ABCG2: variants seen among roughly 807,000 people sequenced by gnomAD.
ABCG2 encodes ATP binding cassette subfamily G member 2 (JR blood group).
A neutral mutation model predicts 73.5 loss-of-function variants in ABCG2; 80 were observed. The observed-to-expected ratio is 1.09, with a 90% CI of 0.91 to 1.31. The LOEUF (loss-of-function observed/expected upper bound fraction) is 1.31, where lower values mean the gene tolerates loss of function less well. Ranked by LOEUF, ABCG2 falls within the 50% of genes most tolerant of loss-of-function variation. The pLI is 0.00. For synonymous variants in ABCG2, 269 were observed against 282.4 expected (o/e 0.95, Z 0.48); for missense variants, 796 against 786.2 (o/e 1.01, Z -0.15).
At chr4:88,146,764 G>C (rs1726033308) in intron 1 of ABCG2, among the ~76,000 whole-genome samples, 1 of 152,072 alleles carries the variant, frequency 6.6e-6, no homozygotes, top group African/African-American at 2.4e-5. Flanking sequence ...ACCTACTGGG[G>C]AGGCTGAGGT....
intron 1 of ABCG2, among the ~76,000 whole-genome samples, chr4:88,182,764 G>A (rs2110101215): frequency 6.6e-6 from 1 of 152,090 alleles, no homozygotes; most frequent in East Asian, 1.9e-4. Context: ...GTACTAACAG[G>A]GAAGTTTATA....
At chr4:88,224,352 C>G (rs2110133070) in intron 1 of ABCG2, among the ~76,000 whole-genome samples, 1 of 152,238 alleles carries the variant, frequency 6.6e-6, no homozygotes, top group African/African-American at 2.4e-5. Flanking sequence ...GTGGGAGGAT[C>G]ACCTGAGCTG....
intron 5 of ABCG2, among the ~76,000 whole-genome samples, chr4:88,123,025 C>T (rs1434321105): frequency 6.6e-6 from 1 of 152,134 alleles, no homozygotes; most frequent in Non-Finnish European, 1.5e-5. Flanking sequence ...CTGGTGATAC[C>T]CAGGCAAACA....
At chr4:88,189,120 T>C (rs1223927198) in intron 1 of ABCG2, among the ~76,000 whole-genome samples, 1 of 152,224 alleles carries the variant, frequency 6.6e-6, no homozygotes, top group African/African-American at 2.4e-5. Context: ...GTTTTGAAGT[T>C]TGCAGTACAC....
chr4:88,203,961 A>G (rs1041071569), intron 1 of ABCG2, among the ~76,000 whole-genome samples: 7 of 152,166 alleles, frequency 4.6e-5, no homozygotes, highest in African/African-American at 1.7e-4. Context: ...GACCAAAGGT[A>G]TGCCAGCTCC....
intron 1 of ABCG2, among the ~76,000 whole-genome samples, chr4:88,166,943 G>A (rs985346155): frequency 3.3e-5 from 5 of 152,124 alleles, no homozygotes; most frequent in Non-Finnish European, 7.3e-5. Context: ...AGGTCCCACG[G>A]TTTGAACACG....
chr4:88,099,746 C>T (rs949738610), intron 11 of ABCG2, among the ~76,000 whole-genome samples: 8 of 152,302 alleles, frequency 5.3e-5, no homozygotes, highest in African/African-American at 1.9e-4. Flanking sequence ...ACACATCCTC[C>T]CTCTCTTCAA....
chr4:88,135,530 C>T (rs1413675446), intron 2 of ABCG2, among the ~76,000 whole-genome samples: 1 of 133,246 alleles, frequency 7.5e-6, no homozygotes, highest in Non-Finnish European at 1.6e-5. Context: ...TCCCTACACA[C>T]ACAAAATCTT....
At chr4:88,144,582 A>G (rs1286695825) in intron 1 of ABCG2, among the ~76,000 whole-genome samples, 1 of 146,556 alleles carries the variant, frequency 6.8e-6, no homozygotes, top group Non-Finnish European at 1.5e-5. Context: ...CAGTCTCCCT[A>G]GTAGCTGGGA....
intron 1 of ABCG2, among the ~76,000 whole-genome samples, chr4:88,168,165 A>G (rs1230697052): frequency 6.6e-6 from 1 of 151,962 alleles, no homozygotes; most frequent in African/African-American, 2.4e-5. Flanking sequence ...CAGACAAGAG[A>G]CCAATTAAGA....
chr4:88,148,911 T>A (rs927832447), intron 1 of ABCG2, among the ~76,000 whole-genome samples: 4 of 152,220 alleles, frequency 2.6e-5, no homozygotes, highest in Non-Finnish European at 1.5e-5. Flanking sequence ...ACTAATCAGT[T>A]TTCTGTCCCC....
At chr4:88,121,819 A>G in intron 5 of ABCG2, 27 bp from the exon 6 acceptor site, 1 of 1,606,616 alleles carries the variant, frequency 6.2e-7, no homozygotes, top group South Asian at 1.1e-5. Flanking sequence ...ATAATTGTCA[A>G]TGATAACAAC....
chr4:88,204,919 G>C (rs116942732), intron 1 of ABCG2, among the ~76,000 whole-genome samples: 1 of 152,178 alleles, frequency 6.6e-6, no homozygotes, highest in African/African-American at 2.4e-5. Flanking sequence ...TGAAACTAAA[G>C]TCCTATGCTG....
chr4:88,216,756 G>A (rs1393066582), intron 1 of ABCG2, among the ~76,000 whole-genome samples: 1 of 152,162 alleles, frequency 6.6e-6, no homozygotes, highest in Non-Finnish European at 1.5e-5. Context: ...GTGTCCAAGC[G>A]CAGTGGTTCA....
chr4:88,131,094 T>A lies in ABCG2; in HGVS notation c.498A>T (p.Gln166His), dbSNP rs746507623. The A allele has an allele frequency of 6.2e-7, 1 of 1,614,088 alleles. No homozygotes were observed. The highest frequency in any genetic ancestry group is 1.7e-5 in the Admixed American group (1 of 60,020). Residue 166 changes from glutamine to histidine, a missense_variant, in exon 5 of 16, where the codon CAA becomes CAT. Gln to His is a conservative substitution (Grantham distance 24). Transcript: ENST00000237612. ...EKNERINRVI[Q>H]ELGLDKVADS... Reference sequence around the variant, plus strand: ...CTGCCACTTTATCCAGACCTAACTCTTGAATGACCCTGTTAATCCGTTCGT... The same window carrying A: ...CTGCCACTTTATCCAGACCTAACTCATGAATGACCCTGTTAATCCGTTCGT...
At chr4:88,166,722 A>G (rs2725209) in intron 1 of ABCG2, among the ~76,000 whole-genome samples, 149,970 of 152,278 alleles carry the variant, frequency 0.98, 73,888 homozygotes, top group Middle Eastern at 1. Context: ...TCTAGGGTAC[A>G]GTTTTGTTGG....
chr4:88,120,247 T>C (rs117195876), intron 6 of ABCG2, among the ~76,000 whole-genome samples: 3,373 of 152,284 alleles, frequency 0.022, 178 homozygotes, highest in East Asian at 0.21. Flanking sequence ...GGAGCCCTCA[T>C]GGAGAACCTC....
intron 1 of ABCG2, among the ~76,000 whole-genome samples, chr4:88,181,491 G>A (rs189443500): frequency 6.6e-6 from 1 of 151,566 alleles, no homozygotes; most frequent in African/African-American, 2.4e-5. Context: ...AGCACTTTGG[G>A]AGGCTGAGGC....
intron 1 of ABCG2, among the ~76,000 whole-genome samples, chr4:88,204,448 G>C (rs976890227): frequency 4.0e-5 from 6 of 151,812 alleles, no homozygotes; most frequent in African/African-American, 1.4e-4. Context: ...ACAAACAAAA[G>C]AATTCAAGCC....
Sources: gnomAD v4.1 joint callset for allele counts (sites outside exome capture counted in the v4.1 genomes callset) on GRCh38, gnomAD v4.1.1 for gene constraint, MANE v1.5 for transcripts, NCBI Gene and HGNC (gene_info 2026-07-23, HGNC 2026-07-21) for gene names.